Variants in RYR3 observed in about 807,000 individuals in gnomAD.
RYR3 encodes ryanodine receptor 3.
RYR3 carries 207 observed loss-of-function variants against 584.3 expected under a neutral mutation model. The observed-to-expected ratio is 0.35, with a 90% confidence interval of 0.32 to 0.40. RYR3 has a LOEUF of 0.40. RYR3 is among the 10% of genes least tolerant of loss of function. The pLI, the probability that RYR3 is intolerant of heterozygous loss-of-function variation, is 1.00. For missense variants in RYR3, 5,616 were observed against 6,089.2 expected, an observed-to-expected ratio of 0.92 and a Z score of 2.59; for synonymous variants, 2,416 against 2,248.5, an observed-to-expected ratio of 1.07 and a Z score of -2.11.
intron 43 of RYR3, among the ~76,000 whole-genome samples, chr15:33,714,683 C>T (rs769551256): frequency 1.1e-4 from 17 of 152,214 alleles, no homozygotes; most frequent in Non-Finnish European, 2.1e-4. Context: ...AGACTACAAA[C>T]TTAGTTTAAG....
chr15:33,448,111 C>T (rs1352333161), intron 1 of RYR3, among the ~76,000 whole-genome samples: 1 of 152,128 alleles, frequency 6.6e-6, no homozygotes, highest in African/African-American at 2.4e-5. Flanking sequence ...TGTTTCAGAC[C>T]AACCTGGCCT....
At chr15:33,650,136 T>G (rs1369686676) in intron 31 of RYR3, among the ~76,000 whole-genome samples, 1 of 152,106 alleles carries the variant, frequency 6.6e-6, no homozygotes, top group Non-Finnish European at 1.5e-5. Context: ...CACAGCACTT[T>G]GGGAGGCCAA....
At chr15:33,756,702 T>C (rs2152860169) in intron 59 of RYR3, among the ~76,000 whole-genome samples, 1 of 152,202 alleles carries the variant, frequency 6.6e-6, no homozygotes, top group South Asian at 2.1e-4. Context: ...GAAGGCAAGC[T>C]GTTGCTTTTT....
intron 7 of RYR3, among the ~76,000 whole-genome samples, chr15:33,541,819 A>G (rs1196429411): frequency 6.6e-6 from 1 of 152,172 alleles, no homozygotes; most frequent in African/African-American, 2.4e-5. Context: ...TTTAAAAGGT[A>G]GGATGTGTTT....
intron 65 of RYR3, among the ~76,000 whole-genome samples, chr15:33,783,687 A>G (rs948425296): frequency 6.6e-6 from 1 of 152,188 alleles, no homozygotes; most frequent in East Asian, 1.9e-4. Context: ...TGGCAGTGGC[A>G]TTGTTCTGTG....
At chr15:33,495,368 T>C in intron 2 of RYR3, among the ~76,000 whole-genome samples, 1 of 152,012 alleles carries the variant, frequency 6.6e-6, no homozygotes, top group Non-Finnish European at 1.5e-5. Flanking sequence ...GGGTGTGAAA[T>C]TTAGGGTTTA....
chr15:33,628,736 A>T (rs1204095948), intron 21 of RYR3, among the ~76,000 whole-genome samples, 161 bp downstream of exon 21: 1 of 152,108 alleles, frequency 6.6e-6, no homozygotes, highest in African/African-American at 2.4e-5. Context: ...CCCTTTCTTA[A>T]TCCCAAATAC....
intron 1 of RYR3, among the ~76,000 whole-genome samples, chr15:33,466,398 G>C (rs2048491069): frequency 6.6e-6 from 1 of 152,210 alleles, no homozygotes; most frequent in African/African-American, 2.4e-5. Flanking sequence ...TTGGTATCCT[G>C]AAATTTCCAT....
intron 1 of RYR3, among the ~76,000 whole-genome samples, chr15:33,410,161 T>C (rs1410860149): frequency 6.6e-6 from 1 of 152,214 alleles, no homozygotes; most frequent in Non-Finnish European, 1.5e-5. Context: ...AACTGGCCCA[T>C]CTAATGCCAC....
chr15:33,784,975 G>A (rs2074613644), intron 65 of RYR3, among the ~76,000 whole-genome samples: 2 of 152,160 alleles, frequency 1.3e-5, no homozygotes. Flanking sequence ...TCAGGGTGAG[G>A]AAAAGATAGG....
intron 18 of RYR3, among the ~76,000 whole-genome samples, chr15:33,605,420 A>G (rs991086291): frequency 1.3e-5 from 2 of 152,212 alleles, no homozygotes; most frequent in African/African-American, 2.4e-5. Flanking sequence ...CATGCCGAAC[A>G]TCACTAGCAG....
At chr15:33,641,010 C>T (rs955951033) in intron 27 of RYR3, among the ~76,000 whole-genome samples, 1 of 152,162 alleles carries the variant, frequency 6.6e-6, no homozygotes, top group Non-Finnish European at 1.5e-5. Context: ...CAGGTGAATT[C>T]TAGAGAGCCA....
intron 55 of RYR3, among the ~76,000 whole-genome samples, chr15:33,749,174 T>C (rs2152847410): frequency 6.6e-6 from 1 of 152,316 alleles, no homozygotes; most frequent in Middle Eastern, 3.4e-3. Context: ...TCTGTGAAAT[T>C]TAGCACCTCA....
At chr15:33,580,643 G>C (rs1307431089) in intron 13 of RYR3, among the ~76,000 whole-genome samples, 6 of 152,194 alleles carry the variant, frequency 3.9e-5, no homozygotes, top group Non-Finnish European at 8.8e-5. Flanking sequence ...AAGACACCCA[G>C]GACCTCATTC....
intron 2 of RYR3, among the ~76,000 whole-genome samples, chr15:33,487,164 C>G (rs1175673855): frequency 6.6e-6 from 1 of 151,062 alleles, no homozygotes; most frequent in Non-Finnish European, 1.5e-5. Flanking sequence ...TGCCACTGCA[C>G]TCCAGCCTGT....
At chr15:33,755,382 A>G (rs2071716058) in intron 58 of RYR3, among the ~76,000 whole-genome samples, 1 of 152,116 alleles carries the variant, frequency 6.6e-6, no homozygotes, top group Admixed American at 6.5e-5. Context: ...GCACTTTGGG[A>G]GGCCGAGGCG....
intron 57 of RYR3, 87 bp downstream of exon 57, chr15:33,750,373 A>G: frequency 7.4e-7 from 1 of 1,358,486 alleles, no homozygotes; most frequent in South Asian, 1.4e-5. Context: ...CATCCAAGTA[A>G]GGAGAACAAT....
intron 3 of RYR3, among the ~76,000 whole-genome samples, chr15:33,523,181 C>T (rs1362390630): frequency 6.6e-6 from 1 of 152,108 alleles, no homozygotes; most frequent in East Asian, 1.9e-4. Flanking sequence ...CCAATCAGCA[C>T]TCTGTAAAAT....
At chr15:33,425,576 A>AGTCTACAG (rs1156359349) in intron 1 of RYR3, among the ~76,000 whole-genome samples, 4 of 151,866 alleles carry the variant, frequency 2.6e-5, no homozygotes, top group African/African-American at 9.7e-5. Context: ...TGTCTGCTAT[A>AGTCTACAG]GTCTACAGTC....
Sources: allele counts gnomAD v4.1 joint callset (sites outside exome capture counted in the v4.1 genomes callset), GRCh38; gene constraint gnomAD v4.1.1; transcripts MANE v1.5; gene names NCBI Gene and HGNC (gene_info 2026-07-23, HGNC 2026-07-21).